Variants in CDH12 observed in about 807,000 individuals in gnomAD.
CDH12 encodes the protein cadherin-12.
In CDH12, 41 loss-of-function variants were observed where a neutral mutation model predicts 74.1. That is an observed-to-expected ratio of 0.55 (90% CI 0.43 to 0.72). The LOEUF (loss-of-function observed/expected upper bound fraction) is 0.72. CDH12 is among the 30% of genes least tolerant of loss of function. CDH12 has a pLI of 0.00. For synonymous variants in CDH12, 399 were observed against 355.0 expected (o/e 1.12, Z -1.39); for missense variants, 945 against 977.2 (o/e 0.97, Z 0.44).
chr5:22,079,349 C>A (rs925438325), intron 4 of CDH12, among the ~76,000 whole-genome samples: 1 of 152,086 alleles, frequency 6.6e-6, no homozygotes, highest in Admixed American at 6.5e-5. Context: ...AAAGTATCTC[C>A]AGACATTGCC....
chr5:21,960,400 T>G (rs903549109), intron 6 of CDH12, among the ~76,000 whole-genome samples: 2 of 152,250 alleles, frequency 1.3e-5, no homozygotes, highest in Non-Finnish European at 2.9e-5. Context: ...CTCTAATGCT[T>G]GTGAGTAGAT....
intron 8 of CDH12, among the ~76,000 whole-genome samples, chr5:21,822,345 G>T (rs1218790471): frequency 6.6e-6 from 1 of 151,886 alleles, no homozygotes; most frequent in African/African-American, 2.4e-5. Context: ...ATGAAAGAAA[G>T]ACAGATCTTA....
intron 3 of CDH12, among the ~76,000 whole-genome samples, chr5:22,319,334 C>G (rs1738763406): frequency 6.6e-6 from 1 of 152,110 alleles, no homozygotes; most frequent in East Asian, 1.9e-4. Flanking sequence ...CTTTCTTATT[C>G]CCTTTTTAGA....
At chr5:21,989,912 G>C (rs1307876700) in intron 5 of CDH12, among the ~76,000 whole-genome samples, 1 of 152,100 alleles carries the variant, frequency 6.6e-6, no homozygotes, top group Non-Finnish European at 1.5e-5. Context: ...TAACTTAGTT[G>C]AGAGATGTGT....
intron 1 of CDH12, among the ~76,000 whole-genome samples, chr5:22,573,287 A>C (rs1739626538): frequency 6.6e-6 from 1 of 152,152 alleles, no homozygotes; most frequent in African/African-American, 2.4e-5. Context: ...AATCATACCT[A>C]TCTCATTTTT....
At chr5:22,155,035 C>T (rs1477531028) in intron 4 of CDH12, among the ~76,000 whole-genome samples, 7 of 152,158 alleles carry the variant, frequency 4.6e-5, no homozygotes, top group Non-Finnish European at 1.0e-4. Context: ...GACCTCACCT[C>T]CTCCAGGCTG....
intron 4 of CDH12, among the ~76,000 whole-genome samples, chr5:22,199,730 A>G (rs1750816280): frequency 6.6e-6 from 1 of 152,152 alleles, no homozygotes; most frequent in Non-Finnish European, 1.5e-5. Context: ...GACAAGAGAT[A>G]TGTCTCTATT....
intron 1 of CDH12, among the ~76,000 whole-genome samples, chr5:22,691,261 T>G (rs1015257098): frequency 6.6e-5 from 10 of 152,178 alleles, no homozygotes; most frequent in Admixed American, 5.2e-4. Context: ...ATTCCTTACT[T>G]CTTGTCAATC....
intron 5 of CDH12, among the ~76,000 whole-genome samples, chr5:22,030,619 A>G (rs1041935301): frequency 1.3e-5 from 2 of 152,184 alleles, no homozygotes; most frequent in Admixed American, 6.5e-5. Flanking sequence ...GGATTTTCAG[A>G]AAGGAAAATG....
intron 3 of CDH12, among the ~76,000 whole-genome samples, chr5:22,234,254 T>A (rs1320083212): frequency 6.6e-6 from 1 of 152,096 alleles, no homozygotes; most frequent in East Asian, 1.9e-4. Flanking sequence ...ATGGTTTGGC[T>A]GTGTCCCCAC....
Position 22,161,168 on chromosome 5 carries a change from A to G in CDH12, c.-187+51330T>C, listed in dbSNP as rs182994615. 1.6e-3 allele frequency among the ~76,000 whole-genome samples: 248 copies of G among 152,212 alleles called. 3 individuals are homozygous for G. The highest frequency in any genetic ancestry group is 0.01 in the Middle Eastern group (3 of 294). On this transcript the variant is annotated intron_variant, in intron 4 of 14. Transcript: ENST00000382254. ...CTCATCCTCTCTCTTCTCATTTCTT[A>G]TATCTTAACTATGATTGCTAACCCC...
At chr5:22,187,664 AG>A (rs201633871) in intron 4 of CDH12, among the ~76,000 whole-genome samples, 6,278 of 124,778 alleles carry the variant, frequency 0.05, 520 homozygotes, top group African/African-American at 0.15. Context: ...GAAAAAAAAA[AG>A]AAAGAAAGAA....
chr5:22,059,332 CTATCATCTATCTATCT>C (rs1465152134), intron 5 of CDH12, among the ~76,000 whole-genome samples: 1 of 147,414 alleles, frequency 6.8e-6, no homozygotes, highest in Admixed American at 6.9e-5. Flanking sequence ...TATCGTCTAT[CTATCATCTATCTATCT>C]ATCTATCTAT....
At chr5:22,055,682 C>T (rs1740688538) in intron 5 of CDH12, among the ~76,000 whole-genome samples, 1 of 151,924 alleles carries the variant, frequency 6.6e-6, no homozygotes, top group African/African-American at 2.4e-5. Flanking sequence ...ACTTAATATT[C>T]ATTCATTCAT....
intron 5 of CDH12, among the ~76,000 whole-genome samples, chr5:21,990,249 C>A (rs999981419): frequency 2.6e-5 from 4 of 152,094 alleles, no homozygotes; most frequent in Non-Finnish European, 4.4e-5. Context: ...TGAATGCATG[C>A]ACATATAGCA....
rs186168350 is a variant in CDH12 at position 22,766,256 on chromosome 5, T to C, written c.-523+86802A>G. Among the ~76,000 whole-genome samples, 360 of 152,148 alleles carry C rather than the reference T, an allele frequency of 2.4e-3. 4 individuals are homozygous for C. In the Middle Eastern group the frequency reaches 0.051, roughly 22 times the overall value. Reference sequence around the variant, plus strand: ...CATACCACTCACAGAAAATTCTACTTACAGATATCTTAGAAAAATATTTGC... The same window carrying C: ...CATACCACTCACAGAAAATTCTACTCACAGATATCTTAGAAAAATATTTGC... On this transcript the variant is annotated intron_variant, in intron 1 of 14. Coordinates refer to ENST00000382254, the MANE Select transcript of CDH12 (RefSeq NM_004061.5).
At chr5:22,497,377 C>T (rs1747140889) in intron 2 of CDH12, among the ~76,000 whole-genome samples, 1 of 152,132 alleles carries the variant, frequency 6.6e-6, no homozygotes, top group Non-Finnish European at 1.5e-5. Flanking sequence ...TTCTCATTTC[C>T]TCACACTGCA....
rs900655797 is a variant in CDH12, at chr5:22,037,561, C to T, written c.231+40885G>A. On this transcript the variant is annotated intron_variant, in intron 5 of 14. Transcript: ENST00000382254. ...TCCTGTTCAGACTCATGTCAGACTTCTGGCCTACAGAACTGTAAGATATTA... is the reference window on the plus strand; with the variant it reads ...TCCTGTTCAGACTCATGTCAGACTTTTGGCCTACAGAACTGTAAGATATTA... Among the ~76,000 whole-genome samples the T allele has an allele frequency of 9.8e-4, 149 of 152,276 alleles. 1 individual carries two copies. Among genetic ancestry groups the T allele is most frequent in the Non-Finnish European group, 1.8e-4 (12 of 68,020 alleles).
intron 1 of CDH12, among the ~76,000 whole-genome samples, chr5:22,604,798 CT>C (rs1302200953): frequency 6.6e-6 from 1 of 152,130 alleles, no homozygotes; most frequent in African/African-American, 2.4e-5. Flanking sequence ...AGAAGGCACA[CT>C]TTGGGCTCTC....
Sources: allele counts gnomAD v4.1 joint callset (sites outside exome capture counted in the v4.1 genomes callset), GRCh38; gene constraint gnomAD v4.1.1; transcripts MANE v1.5; gene names NCBI Gene and HGNC (gene_info 2026-07-23, HGNC 2026-07-21).